Variants in CPE observed in about 807,000 individuals in gnomAD.
CPE encodes the protein carboxypeptidase E, also known as carbocypeptidase E.
CPE carries 17 observed loss-of-function variants against 53.5 expected under a neutral mutation model. The ratio of observed to expected loss-of-function variants is 0.32; its 90% confidence interval spans 0.22 to 0.48. The LOEUF (loss-of-function observed/expected upper bound fraction) is 0.48. CPE is among the 20% of genes least tolerant of loss of function. The pLI is 0.99. For missense variants in CPE, 524 were observed against 614.7 expected (o/e 0.85, Z 1.56); for synonymous variants, 226 against 228.8 (o/e 0.99, Z 0.11).
intron 1 of CPE, among the ~76,000 whole-genome samples, chr4:165,402,718 ACTT>A (rs1246418051): frequency 1.3e-5 from 2 of 152,224 alleles, no homozygotes; most frequent in African/African-American, 4.8e-5. Flanking sequence ...AGCCAATTAA[ACTT>A]CTTTTCTTTA....
At chr4:165,479,031 T>C (rs189638188) in intron 3 of CPE, among the ~76,000 whole-genome samples, 4 of 152,214 alleles carry the variant, frequency 2.6e-5, no homozygotes, top group Middle Eastern at 3.4e-3. Flanking sequence ...ATATCTGCCA[T>C]TGGGTTAAAG....
intron 3 of CPE, among the ~76,000 whole-genome samples, chr4:165,472,665 A>G (rs1732229582): frequency 6.6e-6 from 1 of 152,170 alleles, no homozygotes; most frequent in Admixed American, 6.5e-5. Context: ...AATTTTTTTT[A>G]TCAGATTGAT....
intron 1 of CPE, among the ~76,000 whole-genome samples, chr4:165,396,241 G>C (rs1468821711): frequency 6.6e-6 from 1 of 150,762 alleles, no homozygotes; most frequent in Non-Finnish European, 1.5e-5. Context: ...GAACTTATTG[G>C]GTGCTGTAAG....
At chr4:165,495,780 T>G (rs1054939073) in intron 8 of CPE, 103 bp downstream of exon 8, 2 of 713,176 alleles carry the variant, frequency 2.8e-6, no homozygotes, top group Non-Finnish European at 4.4e-6. Context: ...ACTAGCCCTA[T>G]GAGGTAGGCA....
intron 3 of CPE, among the ~76,000 whole-genome samples, chr4:165,478,092 T>C (rs1458685659): frequency 6.6e-6 from 1 of 152,212 alleles, no homozygotes; most frequent in Non-Finnish European, 1.5e-5. Context: ...CTTTAATAGC[T>C]AGAGTTGTGA....
chr4:165,459,771 C>A (rs1436545237), intron 1 of CPE, among the ~76,000 whole-genome samples: 1 of 150,036 alleles, frequency 6.7e-6, no homozygotes, highest in Non-Finnish European at 1.5e-5. Context: ...CAAAAATTAG[C>A]TGGGTGTGGT....
rs151021653 is a variant in CPE, at chr4:165,438,502, C to T, written c.308-25888C>T. ...TTGGTGTATTTTATCAACATGTATT[C>T]ATTGAGAATCTCCTATATGATTGTC... On this transcript the variant is annotated intron_variant, in intron 1 of 8. Transcript: ENST00000402744. 7.0e-4 allele frequency among the ~76,000 whole-genome samples: 107 copies of T among 152,222 alleles called. 4 individuals carry two copies. In the East Asian group the frequency reaches 0.018, roughly 25 times the overall value.
At chr4:165,425,411 T>C (rs1731300604) in intron 1 of CPE, among the ~76,000 whole-genome samples, 1 of 152,196 alleles carries the variant, frequency 6.6e-6, no homozygotes, top group African/African-American at 2.4e-5. Context: ...AATGAATTTA[T>C]AGAACTTTGC....
At chr4:165,415,864 T>C (rs1731112147) in intron 1 of CPE, among the ~76,000 whole-genome samples, 1 of 138,604 alleles carries the variant, frequency 7.2e-6, no homozygotes, top group African/African-American at 2.6e-5. Flanking sequence ...TCCTTTTAGG[T>C]AACATGGGAG....
At chr4:165,464,366 C>T (rs749760395) in intron 1 of CPE, 24 bp from the exon 2 acceptor site, 134 of 1,545,220 alleles carry the variant, frequency 8.7e-5, no homozygotes, top group Non-Finnish European at 1.1e-4. Flanking sequence ...GAAAACATCT[C>T]CATGCTATCT....
At chr4:165,443,155 G>A (rs1204496505) in intron 1 of CPE, among the ~76,000 whole-genome samples, 1 of 152,156 alleles carries the variant, frequency 6.6e-6, no homozygotes, top group Non-Finnish European at 1.5e-5. Flanking sequence ...TCATGCGAAG[G>A]GGCAGGCAGT....
chr4:165,438,420 T>G (rs1731549513), intron 1 of CPE, among the ~76,000 whole-genome samples: 1 of 151,940 alleles, frequency 6.6e-6, no homozygotes, highest in South Asian at 2.1e-4. Flanking sequence ...GAGGAAAGAG[T>G]AGGGGAAACA....
At chr4:165,481,927 G>T (rs1732421841) in intron 3 of CPE, among the ~76,000 whole-genome samples, 1 of 152,166 alleles carries the variant, frequency 6.6e-6, no homozygotes, top group Non-Finnish European at 1.5e-5. Context: ...AGATCAGACA[G>T]CGATGTCCCA....
At chr4:165,421,571 T>G (rs527723475) in intron 1 of CPE, among the ~76,000 whole-genome samples, 3 of 152,352 alleles carry the variant, frequency 2.0e-5, no homozygotes, top group South Asian at 2.1e-4. Flanking sequence ...CTTCTTGTTC[T>G]TACAGTAAGG....
At chr4:165,451,881 T>A (rs113900474) in intron 1 of CPE, among the ~76,000 whole-genome samples, 2 of 151,932 alleles carry the variant, frequency 1.3e-5, no homozygotes, top group Admixed American at 1.3e-4. Flanking sequence ...AGTTCTGAAA[T>A]CAAACCCAAG....
intron 1 of CPE, among the ~76,000 whole-genome samples, chr4:165,451,774 G>T (rs934019165): frequency 2.0e-5 from 3 of 146,594 alleles, no homozygotes; most frequent in African/African-American, 8.3e-5. Flanking sequence ...ACAGTCGTGA[G>T]CCACTGTGCT....
At chr4:165,440,819 C>G (rs1731596105) in intron 1 of CPE, among the ~76,000 whole-genome samples, 2 of 152,088 alleles carry the variant, frequency 1.3e-5, no homozygotes, top group Non-Finnish European at 2.9e-5. Flanking sequence ...TTGAAAACTG[C>G]CTCCGAGACC....
At chr4:165,459,667 G>T in intron 1 of CPE, among the ~76,000 whole-genome samples, 1 of 127,210 alleles carries the variant, frequency 7.9e-6, no homozygotes, top group African/African-American at 3.5e-5. Flanking sequence ...ACTTTGGGAG[G>T]GCTGGGTGGG....
chr4:165,386,271 G>T, intron 1 of CPE: 1 of 517,236 alleles, frequency 1.9e-6, no homozygotes, highest in Non-Finnish European at 3.9e-6. Flanking sequence ...ATACAATCCC[G>T]GACAACAAGA....
Sources: allele counts gnomAD v4.1 joint callset (sites outside exome capture counted in the v4.1 genomes callset), GRCh38; gene constraint gnomAD v4.1.1; transcripts MANE v1.5; gene names NCBI Gene and HGNC (gene_info 2026-07-23, HGNC 2026-07-21).